PLAGL1: variants seen among roughly 807,000 people sequenced by gnomAD.
PLAGL1 encodes zinc finger protein PLAGL1.
In PLAGL1, 1 loss-of-function variant was observed where a neutral mutation model predicts 4.6. The observed-to-expected ratio is 0.22, with a 90% CI of 0.08 to 1.03. The LOEUF (loss-of-function observed/expected upper bound fraction) is 1.03. Ranked by LOEUF, PLAGL1 falls within the 50% of genes least tolerant of loss-of-function variation. The probability of loss-of-function intolerance (pLI) is 0.58; values close to 1 mark genes in which losing one functional copy is unlikely to be tolerated. For missense variants in PLAGL1, 464 were observed against 570.4 expected, an observed-to-expected ratio of 0.81 and a Z score of 1.90; for synonymous variants, 240 against 237.8, an observed-to-expected ratio of 1.01 and a Z score of -0.08.
At chr6:143,980,196 A>G (rs542909602) in intron 2 of PLAGL1, among the ~76,000 whole-genome samples, 1 of 151,990 alleles carries the variant, frequency 6.6e-6, no homozygotes, top group South Asian at 2.1e-4. Context: ...AGTTTTCTTC[A>G]TGTTTTTGTG....
chr6:144,057,875 C>T (rs1280028996), intron 1 of PLAGL1, among the ~76,000 whole-genome samples: 1 of 150,464 alleles, frequency 6.6e-6, no homozygotes, highest in Non-Finnish European at 1.5e-5. Context: ...TCTGAAGGAA[C>T]TTATTATTAC....
In PLAGL1 at chr6:143,962,499, A is replaced by G. The variant is rs887078791; in HGVS notation, c.-398-1957T>C. Reference sequence around the variant, plus strand: ...CAGATTAGTTAATTGTTTTAAATGAAGGGGGAAATATTTTTTGGAAAGTTT... The same window carrying G: ...CAGATTAGTTAATTGTTTTAAATGAGGGGGGAAATATTTTTTGGAAAGTTT... On this transcript the variant is annotated intron_variant, in intron 5 of 7. Coordinates refer to ENST00000674357, the MANE Select transcript of PLAGL1 (RefSeq NM_001317162.2). This position sits in a 1 kb window ranked among gnomAD's most constrained non-coding sequence, Gnocchi z 5.3. Among the ~76,000 whole-genome samples, 2 of 152,198 alleles carry G rather than the reference A, an allele frequency of 1.3e-5. No individual in the cohort carries two copies. The highest frequency in any genetic ancestry group is 2.9e-5 in the Non-Finnish European group (2 of 68,022).
chr6:143,961,228 T>C lies in PLAGL1; in HGVS notation c.-398-686A>G, dbSNP rs1004279107. On this transcript the variant is annotated intron_variant, in intron 5 of 7. Coordinates refer to ENST00000674357, the MANE Select transcript of PLAGL1 (RefSeq NM_001317162.2). This position sits in a 1 kb window ranked among gnomAD's most constrained non-coding sequence, Gnocchi z 6.5. Reference sequence around the variant, plus strand: ...CCAGCTTTGTGCCACTGAACCCTGATGAGCATTTGGAAACCAGCATTTCCG... The same window carrying C: ...CCAGCTTTGTGCCACTGAACCCTGACGAGCATTTGGAAACCAGCATTTCCG... 6.6e-6 allele frequency: 1 copy of C among 152,344 alleles called. No homozygotes were observed. The highest frequency in any genetic ancestry group is 1.5e-5 in the Non-Finnish European group (1 of 68,030). The allele number at this position is 152,344 out of a possible 1,614,324, so 9.4% of individuals were successfully genotyped here. A position where few individuals can be genotyped will look rare whatever the true frequency, so the allele number is the denominator to read the frequency against.
chr6:143,977,596 C>T (rs9376802), intron 2 of PLAGL1, among the ~76,000 whole-genome samples: 76,775 of 150,736 alleles, frequency 0.51, 20,458 homozygotes, highest in Non-Finnish European at 0.62. Flanking sequence ...CCTCAGCCTC[C>T]CGAGTAGCTG....
In PLAGL1 at chr6:143,959,730, ATGG is replaced by A. The variant is rs1782955444; in HGVS notation, c.-325+736_-325+738del. On this transcript the variant is annotated intron_variant, in intron 6 of 7. Transcript: ENST00000674357. This position sits in a 1 kb window ranked among gnomAD's most constrained non-coding sequence, Gnocchi z 5.3. ...GGATTTAAGTTTACTGCCCATCAGCATGGACTAATGACATACTGCAAGTAATAC... is the reference window on the plus strand; with the variant it reads ...GGATTTAAGTTTACTGCCCATCAGCAACTAATGACATACTGCAAGTAATAC... Among the ~76,000 whole-genome samples, 1 of 152,212 alleles carries A rather than the reference ATGG, an allele frequency of 6.6e-6. No individual in the cohort carries two copies. The highest frequency in any genetic ancestry group is 1.5e-5 in the Non-Finnish European group (1 of 68,030).
At chr6:143,998,839 G>A (rs890363681) in intron 1 of PLAGL1, among the ~76,000 whole-genome samples, 5 of 152,158 alleles carry the variant, frequency 3.3e-5, no homozygotes, top group African/African-American at 7.2e-5. Context: ...GCAGGAGAGT[G>A]AAACCTTTAG....
At chr6:144,020,865 A>G (rs1213007276) in intron 1 of PLAGL1, among the ~76,000 whole-genome samples, 1 of 146,544 alleles carries the variant, frequency 6.8e-6, no homozygotes, top group Non-Finnish European at 1.5e-5. Flanking sequence ...TTACTATAAT[A>G]TAAAATATAT....
chr6:144,055,797 G>T lies in PLAGL1; in HGVS notation c.-151+8671C>A, dbSNP rs528327598. On this transcript the variant is annotated intron_variant, in intron 1 of 3. Transcript: ENST00000437412. This position sits in a 1 kb window ranked among gnomAD's most constrained non-coding sequence, Gnocchi z 5.0. ...TTATTAACGATAACAAGTCCTGGAA[G>T]AAAGAACCTCATCCCCATGAACGAT... 1.3e-5 allele frequency among the ~76,000 whole-genome samples: 2 copies of T among 152,308 alleles called. No homozygotes were observed. Among genetic ancestry groups the T allele is most frequent in the Middle Eastern group, 3.4e-3 (1 of 294 alleles).
chr6:143,998,460 C>T (rs1279821888), intron 1 of PLAGL1, among the ~76,000 whole-genome samples: 2 of 152,172 alleles, frequency 1.3e-5, no homozygotes, highest in African/African-American at 4.8e-5. Flanking sequence ...CTCTTTGATA[C>T]TAAGTTTCTT....
intron 1 of PLAGL1, among the ~76,000 whole-genome samples, chr6:144,021,428 A>G (rs1795971601): frequency 6.6e-6 from 1 of 152,202 alleles, no homozygotes; most frequent in African/African-American, 2.4e-5. Flanking sequence ...TTCTAATATT[A>G]TGTGGCAGCT....
At position 143,984,295 on chromosome 6, in the gene PLAGL1, T is replaced by G. The variant is rs1788557441; in HGVS notation, c.-544+840A>C. Among the ~76,000 whole-genome samples the G allele has an allele frequency of 6.6e-6, 1 of 152,172 alleles. No homozygotes were observed. Among genetic ancestry groups the G allele is most frequent in the Non-Finnish European group, 1.5e-5 (1 of 68,020 alleles). ...CTCAAACTTTTCTGTGGAGCACCAG[T>G]TCAATGGTATATTTGGTGAGGTAGG... On this transcript the variant is annotated intron_variant, in intron 2 of 7. Transcript: ENST00000674357. The surrounding 1 kb of genome is among the most constrained non-coding windows in gnomAD (Gnocchi z 5.5).
At chr6:144,057,919 C>A (rs1201281144) in intron 1 of PLAGL1, among the ~76,000 whole-genome samples, 1 of 151,974 alleles carries the variant, frequency 6.6e-6, no homozygotes, top group Non-Finnish European at 1.5e-5. Context: ...GATCTCAAAC[C>A]AAGATTAGGC....
rs545629780 is a variant in PLAGL1, at chr6:144,059,065, C to A, written c.-151+5403G>T. Among the ~76,000 whole-genome samples the A allele has an allele frequency of 5.3e-5, 8 of 152,288 alleles. No homozygotes were observed. Among genetic ancestry groups the A allele is most frequent in the Admixed American group, 5.2e-4 (8 of 15,300 alleles). Reference sequence around the variant, plus strand: ...CCCTACTAGAGTTTCTCTTCAGGGTCTCCACCCCTACAGCAGGCTTCTGCC... The same window carrying A: ...CCCTACTAGAGTTTCTCTTCAGGGTATCCACCCCTACAGCAGGCTTCTGCC... On this transcript the variant is annotated intron_variant, in intron 1 of 3. Coordinates refer to the PLAGL1 transcript ENST00000437412. This position sits in a 1 kb window ranked among gnomAD's most constrained non-coding sequence, Gnocchi z 4.9.
At position 143,949,669 on chromosome 6, in the gene PLAGL1, G is replaced by A. The variant is rs1461418785; in HGVS notation, c.-324-1209C>T. On this transcript the variant is annotated intron_variant, in intron 6 of 7. Transcript: ENST00000674357. This position sits in a 1 kb window ranked among gnomAD's most constrained non-coding sequence, Gnocchi z 5.3. ...AATACTTAAAAAAATTAAGAGTACTGTATGCTTAGGTGAAGTACACTTGAG... is the reference window on the plus strand; with the variant it reads ...AATACTTAAAAAAATTAAGAGTACTATATGCTTAGGTGAAGTACACTTGAG... Among the ~76,000 whole-genome samples the A allele has an allele frequency of 6.6e-6, 1 of 152,172 alleles. No homozygotes were observed. Among genetic ancestry groups the A allele is most frequent in the Non-Finnish European group, 1.5e-5 (1 of 68,032 alleles).
chr6:144,055,380 C>T lies in PLAGL1; in HGVS notation c.-151+9088G>A, dbSNP rs557586083. Among the ~76,000 whole-genome samples the T allele has an allele frequency of 2.4e-4, 37 of 152,296 alleles. No homozygotes were observed. The South Asian group carries it at 7.7e-3, about 32-fold the overall frequency. Reference sequence around the variant, plus strand: ...ACTTGCTGTGCTTGTTATACAAAACCACACTGGCATTCTTTAACATGATGA... The same window carrying T: ...ACTTGCTGTGCTTGTTATACAAAACTACACTGGCATTCTTTAACATGATGA... On this transcript the variant is annotated intron_variant, in intron 1 of 3. Coordinates refer to the PLAGL1 transcript ENST00000437412. The surrounding 1 kb of genome is among the most constrained non-coding windows in gnomAD (Gnocchi z 5.0).
chr6:143,974,234 A>T (rs1020904144), intron 2 of PLAGL1, among the ~76,000 whole-genome samples: 2 of 152,220 alleles, frequency 1.3e-5, no homozygotes, highest in Non-Finnish European at 2.9e-5. Flanking sequence ...ATTTGTCACT[A>T]ATCCTGAGTA....
chr6:144,002,680 T>C (rs1793165039), intron 1 of PLAGL1, among the ~76,000 whole-genome samples: 1 of 152,066 alleles, frequency 6.6e-6, no homozygotes, highest in Non-Finnish European at 1.5e-5. Flanking sequence ...CTCCACCACT[T>C]ACAACAGCAT....
At chr6:144,013,318 G>T (rs941848383), upstream of PLAGL1, among the ~76,000 whole-genome samples, 1 of 152,116 alleles carries the variant, frequency 6.6e-6, no homozygotes, top group African/African-American at 2.4e-5. The surrounding 1 kb of genome is among the most constrained non-coding windows in gnomAD (Gnocchi z 4.4). Flanking sequence ...TACCACATGG[G>T]CAGACAATCA....
At chr6:143,988,149 G>A (rs888458897) in intron 1 of PLAGL1, among the ~76,000 whole-genome samples, 5 of 152,142 alleles carry the variant, frequency 3.3e-5, no homozygotes, top group African/African-American at 7.2e-5. Flanking sequence ...CTTCCTCTGC[G>A]GCTAAACACA....
Sources: allele counts gnomAD v4.1 joint callset (sites outside exome capture counted in the v4.1 genomes callset), GRCh38; gene constraint gnomAD v4.1.1; non-coding constraint Gnocchi (gnomAD v3.1); transcripts MANE v1.5; gene names NCBI Gene and HGNC (gene_info 2026-07-23, HGNC 2026-07-21).